The following FAM114A1 variants were observed in gnomAD, a reference collection of about 807,000 sequenced individuals.
FAM114A1 encodes the protein family with sequence similarity 114 member A1, also known as protein NOXP20.
Under a neutral mutation model 64.3 loss-of-function variants are expected in FAM114A1, and 62 were observed. The ratio of observed to expected loss-of-function variants is 0.96; its 90% confidence interval spans 0.79 to 1.19. The LOEUF (loss-of-function observed/expected upper bound fraction) is 1.19. Ranked by LOEUF, FAM114A1 falls within the 50% of genes most tolerant of loss-of-function variation. FAM114A1 has a pLI of 0.00. For synonymous variants in FAM114A1, 254 were observed against 251.1 expected (o/e 1.01, Z -0.11); for missense variants, 645 against 676.3 (o/e 0.95, Z 0.51).
chr4:38,939,368 G>A (rs1013992311), intron 13 of FAM114A1, among the ~76,000 whole-genome samples: 4 of 152,248 alleles, frequency 2.6e-5, no homozygotes, highest in South Asian at 2.1e-4. Flanking sequence ...CTCTAAAGCA[G>A]CCATTATTCA....
intron 8 of FAM114A1, among the ~76,000 whole-genome samples, chr4:38,917,396 C>G (rs936778175): frequency 1.3e-5 from 2 of 151,466 alleles, no homozygotes; most frequent in East Asian, 3.9e-4. Context: ...CATGCAGAAG[C>G]TGTATGATTT....
intron 4 of FAM114A1, among the ~76,000 whole-genome samples, chr4:38,896,370 A>G (rs932035931): frequency 7.2e-5 from 11 of 152,220 alleles, no homozygotes; most frequent in Admixed American, 3.9e-4. Context: ...GACTTTATGT[A>G]GTAATAGTAG....
chr4:38,922,027 C>T (rs375914700), intron 8 of FAM114A1, among the ~76,000 whole-genome samples: 2 of 152,042 alleles, frequency 1.3e-5, no homozygotes, highest in East Asian at 1.9e-4. Context: ...CTGCAAACTC[C>T]GACTCCCTGG....
intron 3 of FAM114A1, among the ~76,000 whole-genome samples, chr4:38,880,052 G>A (rs1383261376): frequency 6.6e-6 from 1 of 150,638 alleles, no homozygotes; most frequent in African/African-American, 2.5e-5. Flanking sequence ...GGCAATGACA[G>A]TGAAACTCTG....
At chr4:38,927,160 T>C (rs1296080229) in intron 9 of FAM114A1, among the ~76,000 whole-genome samples, 1 of 152,218 alleles carries the variant, frequency 6.6e-6, no homozygotes, top group Middle Eastern at 3.2e-3. Flanking sequence ...AGCTGGCTCA[T>C]TGCTCTCCTC....
intron 13 of FAM114A1, among the ~76,000 whole-genome samples, chr4:38,937,152 T>A (rs1010940061): frequency 1.3e-5 from 2 of 152,350 alleles, no homozygotes; most frequent in Admixed American, 6.5e-5. Context: ...CTTCTTATTC[T>A]AATTAGGTTG....
At chr4:38,917,209 G>GT (rs1719149121) in intron 8 of FAM114A1, among the ~76,000 whole-genome samples, 1 of 149,610 alleles carries the variant, frequency 6.7e-6, no homozygotes, top group Non-Finnish European at 1.5e-5. Context: ...ATGGTGGCAG[G>GT]TGCCTGTAAT....
chr4:38,937,773 C>T (rs976294613), intron 13 of FAM114A1, among the ~76,000 whole-genome samples: 4 of 152,106 alleles, frequency 2.6e-5, no homozygotes, highest in Admixed American at 2.0e-4. Context: ...CTTGCTCTGT[C>T]GCCCAGGCTG....
At chr4:38,906,436 AGC>A (rs972256487) in intron 6 of FAM114A1, among the ~76,000 whole-genome samples, 1 of 152,178 alleles carries the variant, frequency 6.6e-6, no homozygotes, top group African/African-American at 2.4e-5. Context: ...CCATATTAGC[AGC>A]AAAACATTGG....
chr4:38,932,574 G>A (rs1720744425), intron 12 of FAM114A1, among the ~76,000 whole-genome samples, 200 bp downstream of exon 12: 1 of 152,070 alleles, frequency 6.6e-6, no homozygotes, highest in African/African-American at 2.4e-5. Context: ...ATGACTCACT[G>A]CAGCCCCAAA....
chr4:38,922,335 A>G, intron 8 of FAM114A1, among the ~76,000 whole-genome samples: 1 of 152,220 alleles, frequency 6.6e-6, no homozygotes, highest in East Asian at 1.9e-4. Context: ...AGGAGGTGCA[A>G]TTAGTTTCCA....
chr4:38,931,518 T>G lies in FAM114A1; in HGVS notation c.1229T>G (p.Val410Gly). 6.2e-7 allele frequency: 1 copy of G among 1,613,840 alleles called. No individual in the cohort carries two copies. Among genetic ancestry groups the G allele is most frequent in the Non-Finnish European group, 8.5e-7 (1 of 1,179,974 alleles). The change falls in exon 11 of 15, where the codon GTG becomes GGG. Residue 410 changes from valine to glycine, a missense_variant. Transcript: ENST00000358869. ...GTGGTGTCAGTAGATGTGGCAAAAGTGTCCGAAGAAGAAACAAAGAAGGAA... is the reference window on the plus strand; with the variant it reads ...GTGGTGTCAGTAGATGTGGCAAAAGGGTCCGAAGAAGAAACAAAGAAGGAA... ...QTVVSVDVAK[V>G]SEEETKKEEK...
chr4:38,911,888 C>T (rs1718585290), intron 7 of FAM114A1, among the ~76,000 whole-genome samples: 2 of 129,602 alleles, frequency 1.5e-5, no homozygotes, highest in Admixed American at 8.9e-5. Context: ...TGAGACAGAG[C>T]CCTCACTCTG....
intron 9 of FAM114A1, among the ~76,000 whole-genome samples, chr4:38,925,530 G>A (rs971641595): frequency 6.6e-6 from 1 of 152,028 alleles, no homozygotes; most frequent in Admixed American, 6.6e-5. Flanking sequence ...GTTCCTAAAA[G>A]CCCCCTAACA....
chr4:38,901,389 G>A (rs1717505504), intron 4 of FAM114A1, among the ~76,000 whole-genome samples: 1 of 152,162 alleles, frequency 6.6e-6, no homozygotes, highest in South Asian at 2.1e-4. Flanking sequence ...CTGGGTTCAA[G>A]CGATTCTCCT....
intron 3 of FAM114A1, among the ~76,000 whole-genome samples, chr4:38,890,436 G>A (rs1394989906): frequency 1.3e-5 from 2 of 151,496 alleles, no homozygotes; most frequent in African/African-American, 2.4e-5. Context: ...CAAGGGAGTT[G>A]GGAGTTGGGG....
At chr4:38,905,149 C>A (rs910911927) in intron 4 of FAM114A1, among the ~76,000 whole-genome samples, 2 of 152,110 alleles carry the variant, frequency 1.3e-5, no homozygotes, top group Admixed American at 1.3e-4. Flanking sequence ...GTAATCCCAG[C>A]ACTTTGGGAG....
intron 4 of FAM114A1, among the ~76,000 whole-genome samples, chr4:38,895,427 G>C (rs1339547054): frequency 6.6e-6 from 1 of 152,184 alleles, no homozygotes; most frequent in African/African-American, 2.4e-5. Context: ...GATTAGTTCA[G>C]GCGCACTAAG....
At position 38,872,309 on chromosome 4, in the gene FAM114A1, A is replaced by G. The variant is rs903396354; in HGVS notation, c.-9+3763A>G. Among the ~76,000 whole-genome samples, 3 of 152,252 alleles carry G rather than the reference A, an allele frequency of 2.0e-5. No homozygotes were observed. The South Asian group carries it at 6.2e-4, about 31-fold the overall frequency. On this transcript the variant is annotated intron_variant, in intron 2 of 14. Transcript: ENST00000358869. ...AAGTAACATGCACGTGTCACATAGT[A>G]TATGCTGAACTATTTTAGGATACTT...
Sources: gnomAD v4.1 joint callset for allele counts (sites outside exome capture counted in the v4.1 genomes callset) on GRCh38, gnomAD v4.1.1 for gene constraint, MANE v1.5 for transcripts, NCBI Gene and HGNC (gene_info 2026-07-23, HGNC 2026-07-21) for gene names.